ROBO2: variants seen among roughly 807,000 people sequenced by gnomAD.
The protein encoded by ROBO2 is roundabout guidance receptor 2.
ROBO2 carries 53 observed loss-of-function variants against 160.8 expected under a neutral mutation model. That is an observed-to-expected ratio of 0.33 (90% CI 0.26 to 0.41). ROBO2 has a LOEUF of 0.41. ROBO2 is among the 10% of genes least tolerant of loss of function. The pLI is 1.00. For synonymous variants in ROBO2, 664 were observed against 611.7 expected (o/e 1.09, Z -1.26); for missense variants, 1,577 against 1,722.4 (o/e 0.92, Z 1.49).
At chr3:76,323,175 A>ACACACACC (rs752990413) in intron 2 of ROBO2, among the ~76,000 whole-genome samples, 1,745 of 145,686 alleles carry the variant, frequency 0.012, 31 homozygotes, top group African/African-American at 0.037. Context: ...ACACACACAC[A>ACACACACC]CCCCTAAAGG....
intron 2 of ROBO2, among the ~76,000 whole-genome samples, chr3:76,985,798 A>T (rs999700246): frequency 3.3e-5 from 5 of 152,114 alleles, no homozygotes; most frequent in African/African-American, 1.2e-4. Flanking sequence ...GGCTAGATAT[A>T]GTTTCAACAA....
At chr3:77,310,335 A>C (rs1352854871) in intron 2 of ROBO2, among the ~76,000 whole-genome samples, 3 of 152,192 alleles carry the variant, frequency 2.0e-5, no homozygotes, top group African/African-American at 7.2e-5. Context: ...TGTTGCAGCC[A>C]ATTGAGAACC....
intron 2 of ROBO2, among the ~76,000 whole-genome samples, chr3:76,341,713 G>T (rs1294790965): frequency 6.6e-6 from 1 of 152,102 alleles, no homozygotes; most frequent in African/African-American, 2.4e-5. Flanking sequence ...CAAAAAGGAA[G>T]CTGGGAAACA....
At chr3:77,104,959 G>A (rs1476036488) in intron 2 of ROBO2, among the ~76,000 whole-genome samples, 1 of 152,152 alleles carries the variant, frequency 6.6e-6, no homozygotes, top group Admixed American at 6.5e-5. Context: ...TAATCTTACT[G>A]TTTGAGTCTT....
intron 2 of ROBO2, among the ~76,000 whole-genome samples, chr3:76,868,687 G>T (rs2071645158): frequency 6.6e-6 from 1 of 151,854 alleles, no homozygotes; most frequent in African/African-American, 2.4e-5. Flanking sequence ...AACACAACAG[G>T]AATGAAGGGA....
At chr3:76,627,683 A>ATGTT (rs3067748) in intron 2 of ROBO2, among the ~76,000 whole-genome samples, 95,318 of 151,736 alleles carry the variant, frequency 0.63, 30,205 homozygotes, top group East Asian at 0.73. Flanking sequence ...AATAAGGAAA[A>ATGTT]AAAGTGCAAT....
At chr3:76,298,602 G>A (rs1364671095) in intron 2 of ROBO2, among the ~76,000 whole-genome samples, 3 of 152,146 alleles carry the variant, frequency 2.0e-5, no homozygotes, top group African/African-American at 7.2e-5. Context: ...AATATTCTCC[G>A]AGTGCAGGCT....
chr3:76,370,238 C>A (rs1361980267), intron 2 of ROBO2, among the ~76,000 whole-genome samples: 1 of 151,240 alleles, frequency 6.6e-6, no homozygotes, highest in Non-Finnish European at 1.5e-5. Flanking sequence ...GCATTGTGGG[C>A]CAAAAAGATG....
chr3:76,742,274 A>C (rs1465892244), intron 2 of ROBO2, among the ~76,000 whole-genome samples: 1 of 152,164 alleles, frequency 6.6e-6, no homozygotes, highest in Non-Finnish European at 1.5e-5. Flanking sequence ...TTTCTAAACA[A>C]TGAAGGGCTA....
chr3:76,012,156 A>G (rs1176166037), intron 2 of ROBO2, among the ~76,000 whole-genome samples: 1 of 152,220 alleles, frequency 6.6e-6, no homozygotes, highest in Non-Finnish European at 1.5e-5. Flanking sequence ...AATTAGGATG[A>G]CAGCCAACAT....
chr3:77,269,744 C>T (rs2059368191), intron 2 of ROBO2, among the ~76,000 whole-genome samples: 1 of 152,102 alleles, frequency 6.6e-6, no homozygotes, highest in African/African-American at 2.4e-5. Context: ...AGATTGACAA[C>T]AAGAAAGGAT....
At chr3:77,275,482 A>G (rs1452960170) in intron 2 of ROBO2, among the ~76,000 whole-genome samples, 3 of 152,116 alleles carry the variant, frequency 2.0e-5, no homozygotes, top group Non-Finnish European at 2.9e-5. Flanking sequence ...TTTCTTTCCA[A>G]TTTCTCTCCC....
At chr3:77,551,087 C>A (rs2092903866) in intron 8 of ROBO2, 98 bp downstream of exon 9, 1 of 1,258,292 alleles carries the variant, frequency 7.9e-7, no homozygotes, top group Non-Finnish European at 1.1e-6. Flanking sequence ...TAAATCATTT[C>A]TATGTATGCT....
intron 2 of ROBO2, among the ~76,000 whole-genome samples, chr3:76,720,901 C>A (rs1043939517): frequency 6.6e-6 from 1 of 152,146 alleles, no homozygotes; most frequent in African/African-American, 2.4e-5. Flanking sequence ...GATAATATGG[C>A]AATTAGTTAC....
chr3:76,226,979 C>T (rs781283120), intron 2 of ROBO2, among the ~76,000 whole-genome samples: 4 of 152,158 alleles, frequency 2.6e-5, no homozygotes, highest in Admixed American at 1.3e-4. Flanking sequence ...TGTGCATCTC[C>T]ATCAGCCTCC....
chr3:76,268,763 T>C (rs1330705585), intron 2 of ROBO2, among the ~76,000 whole-genome samples: 1 of 152,184 alleles, frequency 6.6e-6, no homozygotes, highest in East Asian at 1.9e-4. Flanking sequence ...TTCAATTTAA[T>C]AGTTTTTTAA....
At chr3:76,549,366 A>T (rs1052172300) in intron 2 of ROBO2, among the ~76,000 whole-genome samples, 5 of 152,160 alleles carry the variant, frequency 3.3e-5, no homozygotes, top group African/African-American at 1.2e-4. Context: ...GCTGTGGTGT[A>T]AAACGTTACC....
intron 2 of ROBO2, among the ~76,000 whole-genome samples, chr3:76,209,776 G>T (rs370871051): frequency 6.6e-6 from 1 of 152,198 alleles, no homozygotes; most frequent in East Asian, 1.9e-4. Context: ...CTACACAGGG[G>T]TATAGAGAAT....
At chr3:77,594,130 G>A (rs2153686918) in intron 17 of ROBO2, among the ~76,000 whole-genome samples, 1 of 152,226 alleles carries the variant, frequency 6.6e-6, no homozygotes, top group South Asian at 2.1e-4. Context: ...GGCAAAATTT[G>A]ATCCAAACTA....
Sources: allele counts gnomAD v4.1 joint callset (sites outside exome capture counted in the v4.1 genomes callset), GRCh38; gene constraint gnomAD v4.1.1; transcripts MANE v1.5; gene names NCBI Gene and HGNC (gene_info 2026-07-23, HGNC 2026-07-21).